Variants in AGMO observed in about 807,000 individuals in gnomAD.
AGMO encodes the protein glyceryl-ether monooxygenase.
A neutral mutation model predicts 60.2 loss-of-function variants in AGMO; 75 were observed. That is an observed-to-expected ratio of 1.25 (90% CI 1.03 to 1.51). The LOEUF (loss-of-function observed/expected upper bound fraction) is 1.51. Ranked by LOEUF, AGMO falls within the 40% of genes most tolerant of loss-of-function variation. The probability of loss-of-function intolerance (pLI) is 0.00; values close to 1 mark genes in which losing one functional copy is unlikely to be tolerated. For synonymous variants in AGMO, 261 were observed against 177.1 expected (o/e 1.47, Z -3.76); for missense variants, 763 against 525.5 (o/e 1.45, Z -4.42).
rs1784243934 is a variant in AGMO, at chr7:15,529,673, ATATTCTATATATAGAATATATATTC to A, written c.409+15074_409+15098del. Among the ~76,000 whole-genome samples, 2 of 100,704 alleles carry A rather than the reference ATATTCTATATATAGAATATATATTC, an allele frequency of 2.0e-5. 1 individual carries two copies. The allele number at this position is 100,704 out of a possible 152,430, so 66.1% of individuals were successfully genotyped here. A position where few individuals can be genotyped will look rare whatever the true frequency, so the allele number is the denominator to read the frequency against. On this transcript the variant is annotated intron_variant, in intron 3 of 12. Coordinates refer to ENST00000342526, the MANE Select transcript of AGMO (RefSeq NM_001004320.2). The stretch of plus-strand genomic sequence containing the variant: ...TATATATTCTATATATATTCTATAT[ATATTCTATATATAGAATATATATTC>A]CATATATACTATATATATACTATAT...
chr7:15,481,876 G>T (rs1016829728), intron 3 of AGMO, among the ~76,000 whole-genome samples: 1 of 150,188 alleles, frequency 6.7e-6, no homozygotes, highest in Admixed American at 6.7e-5. Flanking sequence ...AACACACTGG[G>T]ACTAAGACAG....
chr7:15,532,638 C>A (rs1349484201), intron 3 of AGMO, among the ~76,000 whole-genome samples: 1 of 152,024 alleles, frequency 6.6e-6, no homozygotes, highest in African/African-American at 2.4e-5. Context: ...GAAGAAGATT[C>A]AAAATCTTGA....
intron 12 of AGMO, among the ~76,000 whole-genome samples, chr7:15,252,283 G>A (rs1307489175): frequency 6.6e-6 from 1 of 152,184 alleles, no homozygotes; most frequent in African/African-American, 2.4e-5. Flanking sequence ...GGTCAAGTGT[G>A]ATGGGAAAAT....
At chr7:15,542,236 C>T (rs976421602) in intron 3 of AGMO, among the ~76,000 whole-genome samples, 2 of 152,106 alleles carry the variant, frequency 1.3e-5, no homozygotes, top group Non-Finnish European at 2.9e-5. Context: ...CATTACAAGT[C>T]AAAAGTCTTT....
the AGMO span, among the ~76,000 whole-genome samples, chr7:15,175,123 G>T: frequency 6.6e-6 from 1 of 151,784 alleles, no homozygotes; most frequent in Non-Finnish European, 1.5e-5. Flanking sequence ...TTAGACAATG[G>T]TGCTATTAAA....
At position 15,549,397 on chromosome 7, in the gene AGMO, T is replaced by A. The variant is rs958902185; in HGVS notation, c.258-4474A>T. 2.2e-4 allele frequency among the ~76,000 whole-genome samples: 33 copies of A among 152,156 alleles called. No individual in the cohort carries two copies. The East Asian group carries it at 5.8e-3, about 27-fold the overall frequency. On this transcript the variant is annotated intron_variant, in intron 2 of 12. Transcript: ENST00000342526. ...AAATTGGATAAAGAGTGAAGACCCA[T>A]CAGTGCACTGTATTCAGGAAACCCA...
chr7:15,407,833 AAC>A lies in AGMO; in HGVS notation c.609+10723_609+10724del, dbSNP rs1211547585. On this transcript the variant is annotated intron_variant, in intron 5 of 12. Transcript: ENST00000342526. ...AGAGAGAGAGTTAAGCAACAAATAC[AAC>A]AGAGTGGCATAAGAATTAAACTTCA... is the stretch of plus-strand genomic sequence containing the variant. 5.9e-5 allele frequency among the ~76,000 whole-genome samples: 9 copies of A among 151,934 alleles called. No individual in the cohort carries two copies. The South Asian group carries it at 6.2e-4, about 10-fold the overall frequency.
intron 3 of AGMO, among the ~76,000 whole-genome samples, chr7:15,488,240 G>C (rs1330715580): frequency 6.6e-6 from 1 of 152,156 alleles, no homozygotes; most frequent in Non-Finnish European, 1.5e-5. Flanking sequence ...AATTTGTTTA[G>C]CTTTGGTTAT....
At chr7:15,169,772 T>TGG in the AGMO span, among the ~76,000 whole-genome samples, 4 of 152,184 alleles carry the variant, frequency 2.6e-5, no homozygotes, top group Non-Finnish European at 2.9e-5. Context: ...TTGGAACAGT[T>TGG]GGAGTCAGTA....
At chr7:15,251,153 C>T (rs1384337060) in intron 12 of AGMO, among the ~76,000 whole-genome samples, 1 of 152,120 alleles carries the variant, frequency 6.6e-6, no homozygotes, top group African/African-American at 2.4e-5. Context: ...TTCTTTGGGA[C>T]AGCCTTTCAC....
chr7:15,272,293 C>T (rs1396420365), intron 12 of AGMO, among the ~76,000 whole-genome samples: 3 of 117,612 alleles, frequency 2.6e-5, no homozygotes, highest in African/African-American at 3.2e-5. Flanking sequence ...CCCCACCCCA[C>T]GACAGTCCCA....
intron 3 of AGMO, among the ~76,000 whole-genome samples, chr7:15,473,107 A>T (rs879377440): frequency 1.2e-4 from 18 of 152,150 alleles, no homozygotes; most frequent in Admixed American, 3.9e-4. Context: ...CAATCAAAGA[A>T]TACTATAAAC....
chr7:15,392,799 A>AAAAC (rs67814097), intron 6 of AGMO, among the ~76,000 whole-genome samples: 469 of 33,874 alleles, frequency 0.014, 2 homozygotes, highest in South Asian at 0.072. Flanking sequence ...ACTCTGTCTC[A>AAAAC]AAACAAACAA....
At chr7:15,327,826 G>A (rs2128542890) in intron 12 of AGMO, among the ~76,000 whole-genome samples, 1 of 137,686 alleles carries the variant, frequency 7.3e-6, no homozygotes, top group South Asian at 2.3e-4. Flanking sequence ...CTATAGTGTT[G>A]CCATCACAGC....
Position 15,216,833 on chromosome 7 carries a change from AGTGTGT to A in AGMO, c.1264-15480_1264-15475del, listed in dbSNP as rs1181410197. Among the ~76,000 whole-genome samples the A allele has an allele frequency of 4.3e-3, 628 of 147,112 alleles. 1 individual carries two copies. The highest frequency in any genetic ancestry group is 0.011 in the African/African-American group (456 of 40,134). On this transcript the variant is annotated intron_variant, in intron 12 of 12. Coordinates refer to ENST00000342526, the MANE Select transcript of AGMO (RefSeq NM_001004320.2). The stretch of plus-strand genomic sequence containing the variant: ...GTGCAAGAAACAAAGTGAAAGAAAA[AGTGTGT>A]GTGTGTGTGTGTGTGTGTGTGTGTG...
At chr7:15,165,986 TATATC>T in the AGMO span, among the ~76,000 whole-genome samples, 2 of 152,162 alleles carry the variant, frequency 1.3e-5, no homozygotes, top group East Asian at 3.8e-4. Flanking sequence ...AAATCTTACT[TATATC>T]ATTCATTTGT....
the AGMO span, among the ~76,000 whole-genome samples, chr7:15,192,378 ACT>A: frequency 2.0e-5 from 3 of 152,040 alleles, no homozygotes; most frequent in African/African-American, 7.2e-5. Flanking sequence ...GCATCTGAAC[ACT>A]GAGAGGAGTT....
chr7:15,172,226 A>C, the AGMO span, among the ~76,000 whole-genome samples: 1 of 152,244 alleles, frequency 6.6e-6, no homozygotes, highest in Non-Finnish European at 1.5e-5. Context: ...CTTTGTGTAC[A>C]AGATTGCCAA....
chr7:15,501,024 T>C (rs1783371196), intron 3 of AGMO, among the ~76,000 whole-genome samples: 1 of 152,060 alleles, frequency 6.6e-6, no homozygotes, highest in Admixed American at 6.6e-5. Context: ...ATTTCTATTT[T>C]TATCACACTA....
Sources: gnomAD v4.1 joint callset for allele counts (sites outside exome capture counted in the v4.1 genomes callset) on GRCh38, gnomAD v4.1.1 for gene constraint, MANE v1.5 for transcripts, NCBI Gene and HGNC (gene_info 2026-07-23, HGNC 2026-07-21) for gene names.